The following PDE10A variants were observed in gnomAD, a reference collection of about 807,000 sequenced individuals.
PDE10A encodes the protein phosphodiesterase 10A.
A neutral mutation model predicts 97.7 loss-of-function variants in PDE10A; 39 were observed. The ratio of observed to expected loss-of-function variants is 0.40; its 90% CI spans 0.31 to 0.52. The LOEUF (loss-of-function observed/expected upper bound fraction) is 0.52. PDE10A is among the 20% of genes least tolerant of loss of function. PDE10A has a pLI of 0.56. For missense variants in PDE10A, 731 were observed against 1,047.8 expected (o/e 0.70, Z 4.17); for synonymous variants, 371 against 376.8 (o/e 0.98, Z 0.18).
intron 1 of PDE10A, among the ~76,000 whole-genome samples, chr6:165,941,410 CCA>C (rs548039727): frequency 4.1e-4 from 63 of 152,278 alleles, no homozygotes; most frequent in African/African-American, 1.4e-3. Flanking sequence ...CAGACAGACT[CCA>C]GTCATTTGAA....
At chr6:165,435,409 T>C (rs1296870630) in intron 5 of PDE10A, 32 bp from the exon 6 acceptor site, 2 of 1,601,510 alleles carry the variant, frequency 1.2e-6, no homozygotes, top group East Asian at 4.5e-5. Context: ...TTACAGACTT[T>C]CCTGTACATG....
intron 1 of PDE10A, among the ~76,000 whole-genome samples, chr6:165,597,137 A>C (rs1786646492): frequency 6.6e-6 from 1 of 152,028 alleles, no homozygotes; most frequent in South Asian, 2.1e-4. Context: ...CCTCTCCTTT[A>C]ATGCAGGTAT....
intron 1 of PDE10A, among the ~76,000 whole-genome samples, chr6:165,805,117 A>G (rs1343620010): frequency 2.1e-5 from 3 of 141,608 alleles, no homozygotes; most frequent in South Asian, 4.8e-4. Flanking sequence ...AGAGGGGCGC[A>G]TGGAGGGGAG....
intron 1 of PDE10A, among the ~76,000 whole-genome samples, chr6:165,704,346 A>G (rs1226719570): frequency 6.6e-6 from 1 of 152,080 alleles, no homozygotes; most frequent in African/African-American, 2.4e-5. Flanking sequence ...TACAAACCCA[A>G]CCGGCAACAC....
chr6:165,608,978 G>T lies in PDE10A; in HGVS notation c.865+52969C>A, dbSNP rs565656167. Among the ~76,000 whole-genome samples the T allele has an allele frequency of 2.6e-3, 401 of 152,170 alleles. 3 individuals are homozygous for T. The highest frequency in any genetic ancestry group is 9.3e-3 in the African/African-American group (386 of 41,524). On this transcript the variant is annotated intron_variant, in intron 1 of 21. Coordinates refer to ENST00000539869, the MANE Select transcript of PDE10A (RefSeq NM_001385079.1). ...GGGGTTGTTTTTTTCTTGTAAATTT[G>T]TTTGAGTTCTTTGTAGATTCTGGAT...
chr6:165,381,572 C>T (rs531860742), intron 17 of PDE10A, among the ~76,000 whole-genome samples: 20 of 151,968 alleles, frequency 1.3e-4, no homozygotes, highest in Admixed American at 1.3e-3. Flanking sequence ...TCAAGCGATT[C>T]TCCTGCCTCA....
chr6:165,849,579 C>A (rs1780517313), intron 1 of PDE10A, among the ~76,000 whole-genome samples: 1 of 152,206 alleles, frequency 6.6e-6, no homozygotes, highest in Non-Finnish European at 1.5e-5. Context: ...CTCATGTATT[C>A]CATTCGCTGC....
At position 165,488,029 on chromosome 6, in the gene PDE10A, CAAA is replaced by C. The variant is rs58319021; in HGVS notation, c.995-5689_995-5687del. On this transcript the variant is annotated intron_variant, in intron 2 of 21. Transcript: ENST00000539869. The stretch of plus-strand genomic sequence containing the variant: ...GAGGCACTGATGAGGAACAAATTGG[CAAA>C]AAAAAAAAAAAAAAAAAAAAAAGTT... Among the ~76,000 whole-genome samples the C allele has an allele frequency of 9.6e-4, 80 of 83,382 alleles. 1 individual carries two copies. The highest frequency in any genetic ancestry group is 2.6e-3 in the African/African-American group (68 of 25,708). The allele number at this position is 83,382 out of a possible 152,430, so 54.7% of individuals were successfully genotyped here. A position where few individuals can be genotyped will look rare whatever the true frequency, so the allele number is the denominator to read the frequency against.
chr6:165,481,741 C>CTTG (rs1763243090), intron 3 of PDE10A, among the ~76,000 whole-genome samples: 1 of 151,220 alleles, frequency 6.6e-6, no homozygotes, highest in Non-Finnish European at 1.5e-5. Flanking sequence ...TGCTAAGACT[C>CTTG]TTAACTAGGC....
chr6:165,873,832 G>A (rs989418428), intron 1 of PDE10A, among the ~76,000 whole-genome samples: 7 of 151,964 alleles, frequency 4.6e-5, no homozygotes, highest in East Asian at 1.9e-4. Flanking sequence ...TAAAAATATC[G>A]AAAATAGGTT....
At chr6:165,577,964 C>G (rs1237071029) in intron 1 of PDE10A, among the ~76,000 whole-genome samples, 1 of 152,206 alleles carries the variant, frequency 6.6e-6, no homozygotes, top group Non-Finnish European at 1.5e-5. Context: ...CCACTCCTTG[C>G]ACCGGGTCAC....
chr6:165,433,486 C>T lies in PDE10A; in HGVS notation c.1336-357G>A, dbSNP rs536799067. On this transcript the variant is annotated intron_variant, in intron 6 of 21. Coordinates refer to ENST00000539869, the MANE Select transcript of PDE10A (RefSeq NM_001385079.1). ...CTTAGGGTGTTTACAGGTACAATGC[C>T]GCAGGGAAAATTACTCAAAATGTAA... Among the ~76,000 whole-genome samples the T allele has an allele frequency of 5.3e-5, 8 of 152,136 alleles. No homozygotes were observed. In the South Asian group the frequency reaches 1.5e-3, roughly 28 times the overall value.
chr6:165,784,002 G>A lies in PDE10A; in HGVS notation c.-615+203527C>T, dbSNP rs560176235. On this transcript the variant is annotated intron_variant, in intron 1 of 19. Transcript: ENST00000366882. ...TGGGAGGCCAAGGCAGGTGGATCACGAGATCAGGAGTTCAAGACCAGCCTG... is the reference window on the plus strand; with the variant it reads ...TGGGAGGCCAAGGCAGGTGGATCACAAGATCAGGAGTTCAAGACCAGCCTG... 2.1e-3 allele frequency among the ~76,000 whole-genome samples: 317 copies of A among 152,174 alleles called. 1 individual carries two copies. The highest frequency in any genetic ancestry group is 7.3e-3 in the African/African-American group (304 of 41,530).
intron 1 of PDE10A, among the ~76,000 whole-genome samples, chr6:165,766,968 T>A (rs2128459146): frequency 6.6e-6 from 1 of 152,360 alleles, no homozygotes; most frequent in East Asian, 1.9e-4. Flanking sequence ...TCTTTCAAAC[T>A]TTCCCTTGTT....
chr6:165,505,480 G>A (rs1583426237), intron 2 of PDE10A, among the ~76,000 whole-genome samples: 1 of 152,110 alleles, frequency 6.6e-6, no homozygotes, highest in Admixed American at 6.6e-5. Flanking sequence ...ATAAAATGAT[G>A]ATGAGAGCCA....
At chr6:165,518,225 A>G (rs922398753) in intron 2 of PDE10A, among the ~76,000 whole-genome samples, 2 of 152,230 alleles carry the variant, frequency 1.3e-5, no homozygotes, top group South Asian at 4.1e-4. Flanking sequence ...ACAAATTAAA[A>G]TGACCAAACA....
intron 1 of PDE10A, among the ~76,000 whole-genome samples, chr6:165,588,281 C>CTTTTTTTTTT (rs1216263426): frequency 5.4e-5 from 2 of 37,030 alleles, no homozygotes; most frequent in South Asian, 9.0e-4. Context: ...ATTTTTTTTT[C>CTTTTTTTTTT]TTTTTTTTTT....
At chr6:165,564,684 G>T (rs969717313) in intron 1 of PDE10A, among the ~76,000 whole-genome samples, 2 of 152,120 alleles carry the variant, frequency 1.3e-5, no homozygotes, top group Non-Finnish European at 2.9e-5. Flanking sequence ...CATTTTCTGC[G>T]AGTAAATTTC....
chr6:165,912,879 T>G (rs1782501110), intron 1 of PDE10A, among the ~76,000 whole-genome samples: 2 of 152,200 alleles, frequency 1.3e-5, no homozygotes, highest in African/African-American at 2.4e-5. Context: ...GCTAATGCAG[T>G]GTACATGGCA....
Sources: gnomAD v4.1 joint callset for allele counts (sites outside exome capture counted in the v4.1 genomes callset) on GRCh38, gnomAD v4.1.1 for gene constraint, MANE v1.5 for transcripts, NCBI Gene and HGNC (gene_info 2026-07-23, HGNC 2026-07-21) for gene names.